The following CDK5R1 variants were observed in gnomAD, a reference collection of about 807,000 sequenced individuals.
CDK5R1 encodes cyclin-dependent kinase 5 activator 1.
Under a neutral mutation model 19.0 loss-of-function variants are expected in CDK5R1, and 1 was observed. The ratio of observed to expected loss-of-function variants is 0.05; its 90% CI spans 0.02 to 0.25. The LOEUF (loss-of-function observed/expected upper bound fraction) is 0.25, where lower values mean the gene tolerates loss of function less well. CDK5R1 is among the 10% of genes least tolerant of loss of function. The probability of loss-of-function intolerance (pLI) is 1.00; values close to 1 mark genes in which losing one functional copy is unlikely to be tolerated. For synonymous variants in CDK5R1, 225 were observed against 187.7 expected (o/e 1.20, Z -1.62); for missense variants, 314 against 401.0 (o/e 0.78, Z 1.85).
In CDK5R1 at chr17:32,489,052, C is replaced by G. The variant is rs1320050729; in HGVS notation, c.*508C>G. The G allele has an allele frequency of 2.3e-6, 1 of 426,394 alleles. No homozygotes were observed. The highest frequency in any genetic ancestry group is 4.9e-6 in the Non-Finnish European group (1 of 203,830). 26.4% of individuals were successfully genotyped at this position (426,394 alleles called of 1,614,324 possible). On this transcript the variant is annotated 3_prime_UTR_variant, in exon 2 of 2. Coordinates refer to ENST00000313401, the MANE Select transcript of CDK5R1 (RefSeq NM_003885.3). Reference sequence around the variant, plus strand: ...CCCGCCACCCGGGGACATCTTCAATCTAGGCGAGGCGAAGCTGAGCGGGTC... The same window carrying G: ...CCCGCCACCCGGGGACATCTTCAATGTAGGCGAGGCGAAGCTGAGCGGGTC...
rs1159546606 is a variant in CDK5R1 at position 32,491,060 on chromosome 17, AC to A, written c.*2518del. On this transcript the variant is annotated 3_prime_UTR_variant, in exon 2 of 2. Transcript: ENST00000313401. The stretch of plus-strand genomic sequence containing the variant: ...CAATTTCTTCTGTAGCTATTCTTTG[AC>A]CAAACTGTGGGTATTGTTAATATTA... 2 of 167,074 alleles carry A rather than the reference AC, an allele frequency of 1.2e-5. No homozygotes were observed. The highest frequency in any genetic ancestry group is 4.8e-5 in the African/African-American group (2 of 41,434). The allele number at this position is 167,074 out of a possible 1,614,324, so 10.3% of individuals were successfully genotyped here.
Position 32,487,580 on chromosome 17 carries a change from C to A in CDK5R1, c.-41C>A. 6.5e-7 allele frequency: 1 copy of A among 1,542,036 alleles called. No individual in the cohort carries two copies. On this transcript the variant is annotated 5_prime_UTR_variant, in exon 2 of 2. Coordinates refer to ENST00000313401, the MANE Select transcript of CDK5R1 (RefSeq NM_003885.3). This position sits in a 1 kb window ranked among gnomAD's most constrained non-coding sequence, Gnocchi z 7.9. ...TTATCCCTCCGGCCGGCAGGCTGGGCGCGCAGGGGCGCGAGCCCCCGCCCG... is the reference window on the plus strand; with the variant it reads ...TTATCCCTCCGGCCGGCAGGCTGGGAGCGCAGGGGCGCGAGCCCCCGCCCG...
rs760688062 is a variant in CDK5R1 at position 32,488,558 on chromosome 17, C to T, written c.*14C>T. The T allele has an allele frequency of 2.5e-6, 4 of 1,614,056 alleles. No homozygotes were observed. Among genetic ancestry groups the T allele is most frequent in the African/African-American group, 2.7e-5 (2 of 75,028 alleles). ...CTGGATCGGTGAGCACTGTAGCCTG[C>T]GTCATGGCTCAAGGATTCAATGCAT... On this transcript the variant is annotated 3_prime_UTR_variant, in exon 2 of 2. Coordinates refer to ENST00000313401, the MANE Select transcript of CDK5R1 (RefSeq NM_003885.3).
chr17:32,487,860 C>T lies in CDK5R1; in HGVS notation c.240C>T (p.His80=). The T allele has an allele frequency of 6.2e-7, 1 of 1,614,064 alleles. No homozygotes were observed. Among genetic ancestry groups the T allele is most frequent in the African/African-American group, 1.3e-5 (1 of 75,060 alleles). The change falls in exon 2 of 2, where the codon CAC becomes CAT. Residue 80 remains histidine (H), a synonymous_variant. Transcript: ENST00000313401. The surrounding 1 kb of genome is among the most constrained non-coding windows in gnomAD (Gnocchi z 7.9). ...PNSSYQNNIT[H]LNNENLKKSL... ...GCAGCTACCAGAACAACATCACGCA[C>T]CTCAACAATGAGAACCTGAAGAAGT...
chr17:32,487,767 G>A lies in CDK5R1; in HGVS notation c.147G>A (p.Val49=). 2 of 1,614,166 alleles carry A rather than the reference G, an allele frequency of 1.2e-6. No individual in the cohort carries two copies. The highest frequency in any genetic ancestry group is 3.3e-5 in the Admixed American group (2 of 60,036). The change falls in exon 2 of 2, where the codon GTG becomes GTA. Residue 49 remains valine, a synonymous_variant. Coordinates refer to ENST00000313401, the MANE Select transcript of CDK5R1 (RefSeq NM_003885.3). The surrounding 1 kb of genome is among the most constrained non-coding windows in gnomAD (Gnocchi z 7.9). ...TGAAGCGCCACTCCATCATCTCCGT[G>A]CTGCCTTGGAAGAGAATCGTGGCCG... ...KNLKRHSIIS[V]LPWKRIVAVS...
In CDK5R1 at chr17:32,487,861, C is replaced by A. The variant is rs780564906; in HGVS notation, c.241C>A (p.Leu81Ile). The part of the protein sequence containing the change: ...NSSYQNNITH[L>I]NNENLKKSLS... The stretch of plus-strand genomic sequence containing the variant: ...CAGCTACCAGAACAACATCACGCAC[C>A]TCAACAATGAGAACCTGAAGAAGTC... The change falls in exon 2 of 2, where the codon CTC (leucine) becomes ATC (isoleucine). Residue 81 changes from leucine to isoleucine, a missense_variant. Physicochemically the swap from Leu to Ile is conservative, Grantham distance 5. Around this residue, in one of 3 missense-constraint regions of CDK5R1, gnomAD observed 197 missense variants for 230.2 expected, o/e 0.86. Transcript: ENST00000313401. The surrounding 1 kb of genome is among the most constrained non-coding windows in gnomAD (Gnocchi z 7.9). The A allele has an allele frequency of 4.3e-6, 7 of 1,613,954 alleles. No individual in the cohort carries two copies. Among genetic ancestry groups the A allele is most frequent in the Non-Finnish European group, 5.9e-6 (7 of 1,180,034 alleles).
rs1449171650 is a variant in CDK5R1, at chr17:32,489,185, C to A, written c.*641C>A. The A allele has an allele frequency of 6.4e-6, 3 of 471,038 alleles. No individual in the cohort carries two copies. The highest frequency in any genetic ancestry group is 1.3e-5 in the Non-Finnish European group (3 of 227,054). 29.2% of individuals were successfully genotyped at this position (471,038 alleles called of 1,614,324 possible). A position where few individuals can be genotyped will look rare whatever the true frequency, so the allele number is the denominator to read the frequency against. The stretch of plus-strand genomic sequence containing the variant: ...TTAGTGGAGAAATGGAACTCGCCCC[C>A]CTACCCCCTTGTCTGCTGCTCCCAG... On this transcript the variant is annotated 3_prime_UTR_variant, in exon 2 of 2. Transcript: ENST00000313401.
In CDK5R1 at chr17:32,487,815, C is replaced by A. The variant is rs17852831; in HGVS notation, c.195C>A (p.Ser65=). 1 of 1,614,066 alleles carries A rather than the reference C, an allele frequency of 6.2e-7. No homozygotes were observed. The highest frequency in any genetic ancestry group is 1.7e-5 in the Admixed American group (1 of 60,030). Residue 65 remains serine (S), a synonymous_variant, in exon 2 of 2, where the codon TCC becomes TCA. Transcript: ENST00000313401. The surrounding 1 kb of genome is among the most constrained non-coding windows in gnomAD (Gnocchi z 7.9). The part of the protein sequence containing the change: ...IVAVSAKKKN[S]KKVQPNSSYQ... The stretch of plus-strand genomic sequence containing the variant: ...CCGTGTCGGCCAAGAAGAAGAACTC[C>A]AAGAAGGTGCAGCCCAACAGCAGCT...
At position 32,489,015 on chromosome 17, in the gene CDK5R1, T is replaced by C; in HGVS notation, c.*471T>C. On this transcript the variant is annotated 3_prime_UTR_variant, in exon 2 of 2. Transcript: ENST00000313401. ...CCTAACTGAGCTGCCAGTGGGGTCG[T>C]GAGGCAAGATCCCCGCCACCCGGGG... 1 of 380,404 alleles carries C rather than the reference T, an allele frequency of 2.6e-6. No individual in the cohort carries two copies. Among genetic ancestry groups the C allele is most frequent in the Non-Finnish European group, 5.4e-6 (1 of 184,612 alleles). The allele number at this position is 380,404 out of a possible 1,614,324, so 23.6% of individuals were successfully genotyped here. A position where few individuals can be genotyped will look rare whatever the true frequency, so the allele number is the denominator to read the frequency against.
At position 32,487,682 on chromosome 17, in the gene CDK5R1, C is replaced by T. The variant is rs1908723987; in HGVS notation, c.62C>T (p.Ala21Val). 2 of 1,613,644 alleles carry T rather than the reference C, an allele frequency of 1.2e-6. No homozygotes were observed. Among genetic ancestry groups the T allele is most frequent in the African/African-American group, 1.3e-5 (1 of 75,056 alleles). The change falls in exon 2 of 2, where the codon GCG (alanine) becomes GTG (valine). Residue 21 changes from alanine (A) to valine (V), a missense_variant. Transcript: ENST00000313401. The surrounding 1 kb of genome is among the most constrained non-coding windows in gnomAD (Gnocchi z 7.9). ...AAGGCCACGCTGTTTGAGGATGGCG[C>T]GGCCACCGTGGGCCACTATACGGCC... ...YRKATLFEDG[A>V]ATVGHYTAVQ... is the part of the protein sequence containing the mutation.
chr17:32,488,302 A>T lies in CDK5R1; in HGVS notation c.682A>T (p.Thr228Ser), dbSNP rs1246180901. 1 of 1,613,974 alleles carries T rather than the reference A, an allele frequency of 6.2e-7. No individual in the cohort carries two copies. Among genetic ancestry groups the T allele is most frequent in the East Asian group, 2.2e-5 (1 of 44,890 alleles). ...SDHELQAVLL[T>S]CLYLSYSYMG... ...TCACGAGCTCCAGGCCGTCCTGCTG[A>T]CATGCCTGTACCTCTCCTACTCCTA... Residue 228 changes from threonine (T) to serine (S), a missense_variant, in exon 2 of 2, where the codon ACA (threonine) becomes TCA (serine). Thr to Ser is a moderately conservative substitution (Grantham distance 58). Coordinates refer to ENST00000313401, the MANE Select transcript of CDK5R1 (RefSeq NM_003885.3).
Position 32,488,548 on chromosome 17 carries a change from C to T in CDK5R1, c.*4C>T, listed in dbSNP as rs1416499570. Reference sequence around the variant, plus strand: ...CCTCCTAGGCCTGGATCGGTGAGCACTGTAGCCTGCGTCATGGCTCAAGGA... The same window carrying T: ...CCTCCTAGGCCTGGATCGGTGAGCATTGTAGCCTGCGTCATGGCTCAAGGA... On this transcript the variant is annotated 3_prime_UTR_variant, in exon 2 of 2. Transcript: ENST00000313401. The T allele has an allele frequency of 6.2e-7, 1 of 1,614,016 alleles. No individual in the cohort carries two copies. Among genetic ancestry groups the T allele is most frequent in the Non-Finnish European group, 8.5e-7 (1 of 1,180,042 alleles).
Position 32,488,660 on chromosome 17 carries a change from A to C in CDK5R1, c.*116A>C, listed in dbSNP as rs770821831. On this transcript the variant is annotated 3_prime_UTR_variant, in exon 2 of 2. Transcript: ENST00000313401. ...AGCCACCAAGGGCCTCACCTTTCCC[A>C]CAGTCTCTCCCTGGGGTTTTTTTCA... The C allele has an allele frequency of 6.1e-5, 93 of 1,530,742 alleles. No individual in the cohort carries two copies. The highest frequency in any genetic ancestry group is 8.1e-5 in the Non-Finnish European group (91 of 1,130,280). 94.8% of individuals were successfully genotyped at this position (1,530,742 alleles called of 1,614,324 possible).
chr17:32,488,016 C>A lies in CDK5R1; in HGVS notation c.396C>A (p.Ala132=). The change falls in exon 2 of 2, where the codon GCC becomes GCA. Residue 132 remains alanine, a synonymous_variant. Coordinates refer to ENST00000313401, the MANE Select transcript of CDK5R1 (RefSeq NM_003885.3). ...CAGTCAAGAAAGCCCCTCACCCTGCCGTCACCTCCGCAGGGACGCCCAAAC... is the reference window on the plus strand; with the variant it reads ...CAGTCAAGAAAGCCCCTCACCCTGCAGTCACCTCCGCAGGGACGCCCAAAC... ...SSSVKKAPHP[A]VTSAGTPKRV... The A allele has an allele frequency of 6.2e-7, 1 of 1,613,086 alleles. No homozygotes were observed. The highest frequency in any genetic ancestry group is 8.5e-7 in the Non-Finnish European group (1 of 1,179,720).
chr17:32,488,135 C>T lies in CDK5R1; in HGVS notation c.515C>T (p.Thr172Met), dbSNP rs1317786603. ...TACCGCCTGAAGCACCTGTCCCCCA[C>T]GGACCCCGTGCTCTGGCTGCGCAGC... Reference protein sequence around the residue: ...RCYRLKHLSPTDPVLWLRSVD... With the variant: ...RCYRLKHLSPMDPVLWLRSVD... The change falls in exon 2 of 2, where the codon ACG becomes ATG. Residue 172 changes from threonine to methionine, a missense_variant. Thr to Met is a moderately conservative substitution (Grantham distance 81, BLOSUM62 -1). This residue lies in a region of CDK5R1 where 197 missense variants were observed against 230.2 expected (regional missense o/e 0.86). Transcript: ENST00000313401. 2 of 1,613,348 alleles carry T rather than the reference C, an allele frequency of 1.2e-6. No individual in the cohort carries two copies. The highest frequency in any genetic ancestry group is 1.7e-6 in the Non-Finnish European group (2 of 1,179,968).
chr17:32,489,006 G>T lies in CDK5R1; in HGVS notation c.*462G>T, dbSNP rs974882610. 1 of 378,262 alleles carries T rather than the reference G, an allele frequency of 2.6e-6. No homozygotes were observed. Among genetic ancestry groups the T allele is most frequent in the Non-Finnish European group, 5.4e-6 (1 of 184,014 alleles). The allele number at this position is 378,262 out of a possible 1,614,324, so 23.4% of individuals were successfully genotyped here. A position where few individuals can be genotyped will look rare whatever the true frequency, so the allele number is the denominator to read the frequency against. On this transcript the variant is annotated 3_prime_UTR_variant, in exon 2 of 2. Coordinates refer to ENST00000313401, the MANE Select transcript of CDK5R1 (RefSeq NM_003885.3). ...GCCAGCCACCCTAACTGAGCTGCCAGTGGGGTCGTGAGGCAAGATCCCCGC... is the reference window on the plus strand; with the variant it reads ...GCCAGCCACCCTAACTGAGCTGCCATTGGGGTCGTGAGGCAAGATCCCCGC...
Position 32,488,526 on chromosome 17 carries a change from C to G in CDK5R1, c.906C>G (p.Leu302=). The G allele has an allele frequency of 6.2e-7, 1 of 1,614,192 alleles. No individual in the cohort carries two copies. The highest frequency in any genetic ancestry group is 8.5e-7 in the Non-Finnish European group (1 of 1,180,040). Reference sequence around the variant, plus strand: ...GCCAGGAGGACAAGAAGCGGCTCCTCCTAGGCCTGGATCGGTGAGCACTGT... The same window carrying G: ...GCCAGGAGGACAAGAAGCGGCTCCTGCTAGGCCTGGATCGGTGAGCACTGT... ...ESGQEDKKRL[L]LGLDR Residue 302 remains leucine, a synonymous_variant, in exon 2 of 2, where the codon CTC becomes CTG. Coordinates refer to ENST00000313401, the MANE Select transcript of CDK5R1 (RefSeq NM_003885.3).
In CDK5R1 at chr17:32,487,670, T is replaced by G. The variant is rs1023281198; in HGVS notation, c.50T>G (p.Phe17Cys). 1 of 1,613,514 alleles carries G rather than the reference T, an allele frequency of 6.2e-7. No individual in the cohort carries two copies. Among genetic ancestry groups the G allele is most frequent in the African/African-American group, 1.3e-5 (1 of 74,916 alleles). Reference protein sequence around the residue: ...LSPSYRKATLFEDGAATVGHY... With the variant: ...LSPSYRKATLCEDGAATVGHY... Reference sequence around the variant, plus strand: ...CCCAGCTACCGGAAGGCCACGCTGTTTGAGGATGGCGCGGCCACCGTGGGC... The same window carrying G: ...CCCAGCTACCGGAAGGCCACGCTGTGTGAGGATGGCGCGGCCACCGTGGGC... Residue 17 changes from phenylalanine (F) to cysteine (C), a missense_variant, in exon 2 of 2, where the codon TTT (phenylalanine) becomes TGT (cysteine). Physicochemically the swap from Phe to Cys is radical, Grantham distance 205 (BLOSUM62 -2). Around this residue, in one of 3 missense-constraint regions of CDK5R1, gnomAD observed 197 missense variants for 230.2 expected, o/e 0.86. Coordinates refer to ENST00000313401, the MANE Select transcript of CDK5R1 (RefSeq NM_003885.3). The surrounding 1 kb of genome is among the most constrained non-coding windows in gnomAD (Gnocchi z 7.9).
rs764319776 is a variant in CDK5R1 at position 32,488,211 on chromosome 17, G to T, written c.591G>T (p.Thr197=). 47 of 1,613,756 alleles carry T rather than the reference G, an allele frequency of 2.9e-5. No homozygotes were observed. The South Asian group carries it at 3.0e-4, about 10-fold the overall frequency. ...LQGWQDQGFI[T]PANVVFLYML... is the part of the protein sequence containing the mutation. The stretch of plus-strand genomic sequence containing the variant: ...GCTGGCAGGACCAGGGCTTCATCAC[G>T]CCGGCCAACGTGGTCTTCCTCTACA... Residue 197 remains threonine, a synonymous_variant, in exon 2 of 2, where the codon ACG becomes ACT. Coordinates refer to ENST00000313401, the MANE Select transcript of CDK5R1 (RefSeq NM_003885.3).
Sources: gnomAD v4.1 joint callset for allele counts on GRCh38, gnomAD v4.1.1 for gene constraint, gnomAD v4.1.1 regional missense constraint, Gnocchi (gnomAD v3.1) non-coding constraint, MANE v1.5 for transcripts, NCBI Gene and HGNC (gene_info 2026-07-23, HGNC 2026-07-21) for gene names.